Variants in UTY observed in about 807,000 individuals in gnomAD.
UTY encodes histone demethylase UTY.
UTY carries 12 observed loss-of-function variants against 32.5 expected under a neutral mutation model. That is an observed-to-expected ratio of 0.37 (90% CI 0.24 to 0.60). The LOEUF (loss-of-function observed/expected upper bound fraction) is 0.60. UTY is among the 20% of genes least tolerant of loss of function. The pLI is 0.69. For synonymous variants in UTY, 131 were observed against 103.4 expected, an observed-to-expected ratio of 1.27 and a Z score of -1.62; for missense variants, 303 against 299.2, an observed-to-expected ratio of 1.01 and a Z score of -0.09.
chrY:13,455,939 C>G (rs2076766440), intron 3 of UTY, among the ~76,000 whole-genome samples: 1 of 32,044 alleles, frequency 3.1e-5, no homozygotes, highest in Non-Finnish European at 7.6e-5. Flanking sequence ...ATAACAAATC[C>G]TTTAATCTCA....
intron 6 of UTY, among the ~76,000 whole-genome samples, chrY:13,397,853 ACT>A (rs2068432513): frequency 9.1e-5 from 3 of 33,012 alleles, no homozygotes; most frequent in Non-Finnish European, 2.3e-4. Context: ...AGGTCCTAAA[ACT>A]CTTTTAAATA....
intron 26 of UTY, 103 bp downstream of exon 26, chrY:13,298,854 G>A: frequency 6.6e-6 from 1 of 151,075 alleles, no homozygotes; most frequent in Non-Finnish European, 1.0e-5. Flanking sequence ...TCCTACAAGA[G>A]ATACTATTTC....
chrY:13,391,421 C>T (rs954790954), intron 8 of UTY, among the ~76,000 whole-genome samples: 3 of 32,702 alleles, frequency 9.2e-5, no homozygotes, highest in Admixed American at 2.8e-4. Context: ...GATATGTGTC[C>T]GCACCCAAAT....
intron 17 of UTY, among the ~76,000 whole-genome samples, chrY:13,339,400 C>T (rs994993523): frequency 1.5e-4 from 5 of 33,412 alleles, no homozygotes; most frequent in Non-Finnish European, 3.0e-4. Context: ...AGGACAGTCA[C>T]GGAAGCAGTG....
downstream of UTY, among the ~76,000 whole-genome samples, chrY:13,245,678 T>C (rs2053940130): frequency 2.9e-5 from 1 of 34,298 alleles, no homozygotes; most frequent in African/African-American, 1.1e-4. Context: ...CTTAGATATA[T>C]TCCCCTGGGA....
chrY:13,295,042 G>A (rs2148698025), intron 27 of UTY, among the ~76,000 whole-genome samples: 1 of 25,573 alleles, frequency 3.9e-5, no homozygotes, highest in Non-Finnish European at 9.0e-5. Context: ...CCTGGGAAAC[G>A]AGAGTGAAAA....
intron 6 of UTY, among the ~76,000 whole-genome samples, chrY:13,398,386 A>C: frequency 3.0e-5 from 1 of 33,429 alleles, no homozygotes; most frequent in African/African-American, 1.2e-4. Flanking sequence ...ATGAAAGTAA[A>C]GTTGGGCCTG....
At chrY:13,386,557 A>G (rs2066802376) in intron 8 of UTY, among the ~76,000 whole-genome samples, 2 of 33,206 alleles carry the variant, frequency 6.0e-5, no homozygotes, top group African/African-American at 2.4e-4. Context: ...GTGTCTGTCT[A>G]TATGAATAAA....
chrY:13,408,319 GT>G (rs2070360471), intron 6 of UTY, among the ~76,000 whole-genome samples: 3 of 32,103 alleles, frequency 9.3e-5, no homozygotes, highest in African/African-American at 3.6e-4. Context: ...ATTACACCTG[GT>G]AAGTATCTTC....
chrY:13,323,354 C>T, intron 21 of UTY: 1 of 111,858 alleles, frequency 8.9e-6, no homozygotes, highest in Non-Finnish European at 1.7e-5. Context: ...TGAGATCACA[C>T]CATTGCATTC....
chrY:13,356,825 T>C (rs1603431895), intron 15 of UTY, among the ~76,000 whole-genome samples: 1 of 27,017 alleles, frequency 3.7e-5, no homozygotes, highest in East Asian at 9.7e-4. Flanking sequence ...AAAAAAAGTC[T>C]GAAAAAGGCA....
chrY:13,314,553 CTT>C (rs2059385429), intron 21 of UTY, among the ~76,000 whole-genome samples: 3 of 33,898 alleles, frequency 8.9e-5, no homozygotes, highest in African/African-American at 3.5e-4. Flanking sequence ...GACAAAAACT[CTT>C]GTGTGATTTT....
intron 27 of UTY, among the ~76,000 whole-genome samples, chrY:13,295,084 T>C (rs2057956434): frequency 4.1e-5 from 1 of 24,624 alleles, no homozygotes; most frequent in Non-Finnish European, 9.6e-5. Context: ...AAAAAAGAAA[T>C]ACCTGAGCTG....
intron 8 of UTY, among the ~76,000 whole-genome samples, chrY:13,388,711 C>A (rs2067180282): frequency 3.1e-5 from 1 of 32,566 alleles, no homozygotes. Context: ...TGTGCCCCCA[C>A]CCAAATCTCA....
At chrY:13,434,922 T>C in intron 4 of UTY, among the ~76,000 whole-genome samples, 1 of 33,816 alleles carries the variant, frequency 3.0e-5, no homozygotes, top group East Asian at 7.7e-4. Flanking sequence ...TCAGGCCAAA[T>C]GAACATAAAA....
chrY:13,448,157 T>G, intron 4 of UTY, among the ~76,000 whole-genome samples: 1 of 33,745 alleles, frequency 3.0e-5, no homozygotes, highest in Non-Finnish European at 7.4e-5. Context: ...TTTTAAAAAA[T>G]TTTTATAATC....
chrY:13,333,147 G>A (rs2060806008), intron 18 of UTY, among the ~76,000 whole-genome samples: 1 of 32,842 alleles, frequency 3.0e-5, no homozygotes, highest in Non-Finnish European at 7.5e-5. Context: ...TGAAAATGAC[G>A]TGCCCAAAGT....
At chrY:13,316,119 CA>C (rs2059469039) in intron 21 of UTY, among the ~76,000 whole-genome samples, 1 of 32,745 alleles carries the variant, frequency 3.1e-5, no homozygotes, top group African/African-American at 1.2e-4. Context: ...CTGAGGTAAC[CA>C]AAGAGGGATT....
intron 4 of UTY, among the ~76,000 whole-genome samples, chrY:13,425,840 A>G: frequency 5.9e-5 from 2 of 34,116 alleles, no homozygotes; most frequent in African/African-American, 2.3e-4. Flanking sequence ...ATGGGAAAAG[A>G]AAACAGTCCA....
Sources: allele counts gnomAD v4.1 joint callset (sites outside exome capture counted in the v4.1 genomes callset), GRCh38; gene constraint gnomAD v4.1.1; transcripts MANE v1.5; gene names NCBI Gene and HGNC (gene_info 2026-07-23, HGNC 2026-07-21).